The following WDR93 variants were observed in gnomAD, a reference collection of about 807,000 sequenced individuals.
WDR93 encodes the protein WD repeat-containing protein 93.
WDR93 carries 73 observed loss-of-function variants against 82.9 expected under a neutral mutation model. The observed-to-expected ratio is 0.88, with a 90% CI of 0.73 to 1.07. The LOEUF (loss-of-function observed/expected upper bound fraction) is 1.07, where lower values mean the gene tolerates loss of function less well. Among genes scored for constraint, WDR93 ranks in the 50% least tolerant of loss-of-function variants. The probability of loss-of-function intolerance (pLI) is 0.00; values close to 1 mark genes in which losing one functional copy is unlikely to be tolerated. For synonymous variants in WDR93, 283 were observed against 300.1 expected (o/e 0.94, Z 0.59); for missense variants, 738 against 826.0 (o/e 0.89, Z 1.31).
chr15:89,709,143 C>G (rs1965850518), intron 4 of WDR93, among the ~76,000 whole-genome samples: 1 of 152,170 alleles, frequency 6.6e-6, no homozygotes, highest in Non-Finnish European at 1.5e-5. Flanking sequence ...TCACCAAAGA[C>G]AGAGAGGTCA....
rs115823276 is a variant in WDR93, at chr15:89,743,196, C to G, written c.1962-96C>G. On this transcript the variant is annotated intron_variant, in intron 16 of 16. Coordinates refer to ENST00000268130, the MANE Select transcript of WDR93 (RefSeq NM_020212.2). ...ATGCAGGTGTGTCCTCTTAGAGTTT[C>G]TCATAGGAGCACAGGGTAGTCGAGG... 1.1e-3 allele frequency: 1,310 copies of G among 1,225,190 alleles called. 11 individuals are homozygous for G. The African/African-American group carries it at 0.018, about 16-fold the overall frequency. 75.9% of individuals were successfully genotyped at this position (1,225,190 alleles called of 1,614,324 possible).
intron 15 of WDR93, 85 bp downstream of exon 15, chr15:89,737,814 C>A (rs11638276): frequency 1.2e-5 from 19 of 1,560,164 alleles, no homozygotes; most frequent in Non-Finnish European, 1.6e-5. Flanking sequence ...CTCCGATCTC[C>A]TCCCCACTCT....
At chr15:89,690,551 G>A, upstream of WDR93, 1 of 1,543,480 alleles carries the variant, frequency 6.5e-7, no homozygotes, top group Non-Finnish European at 8.8e-7. Flanking sequence ...CGAGAAAGGG[G>A]CGGAGGCCGC....
At chr15:89,692,223 G>A (rs546461914) in intron 1 of WDR93, among the ~76,000 whole-genome samples, 26 of 152,202 alleles carry the variant, frequency 1.7e-4, no homozygotes, top group Non-Finnish European at 3.2e-4. Context: ...GGTGAAAGCT[G>A]AGAAGGGCTC....
At chr15:89,708,792 C>T (rs1353156975) in intron 4 of WDR93, among the ~76,000 whole-genome samples, 1 of 152,230 alleles carries the variant, frequency 6.6e-6, no homozygotes, top group Non-Finnish European at 1.5e-5. Context: ...CTGCAGCAGA[C>T]TAACCATTAT....
chr15:89,717,045 C>CTTTTTTTTTTTT (rs11457156), intron 7 of WDR93, 96 bp downstream of exon 7: 37 of 172,152 alleles, frequency 2.1e-4, no homozygotes, highest in South Asian at 3.7e-4. Flanking sequence ...CTTTTTCTTT[C>CTTTTTTTTTTTT]TTTTTTTTTT....
intron 7 of WDR93, among the ~76,000 whole-genome samples, chr15:89,718,553 T>G (rs1347105669): frequency 2.0e-5 from 3 of 151,920 alleles, no homozygotes; most frequent in Admixed American, 6.6e-5. Flanking sequence ...GCTTGAGCCC[T>G]GGAGTGGAGG....
chr15:89,721,052 G>A (rs1332006718), intron 7 of WDR93: 1 of 152,022 alleles, frequency 6.6e-6, no homozygotes. Flanking sequence ...TGATTGTTTT[G>A]TCATTATTCA....
At chr15:89,695,797 A>T (rs1596061986) in intron 1 of WDR93, among the ~76,000 whole-genome samples, 5 of 136,380 alleles carry the variant, frequency 3.7e-5, no homozygotes, top group Admixed American at 7.6e-5. Flanking sequence ...ACTCCAAAAA[A>T]CTCCCTCATG....
chr15:89,737,545 C>T, intron 14 of WDR93, 28 bp from the exon 15 acceptor site: 1 of 1,613,536 alleles, frequency 6.2e-7, no homozygotes, highest in Non-Finnish European at 8.5e-7. Context: ...CCAGTAGAAG[C>T]CCCCCTCACC....
intron 11 of WDR93, among the ~76,000 whole-genome samples, chr15:89,730,928 T>C (rs1214515804): frequency 6.6e-6 from 1 of 152,188 alleles, no homozygotes; most frequent in Non-Finnish European, 1.5e-5. Context: ...GCAAGTTTGC[T>C]TTGTGATAAT....
intron 8 of WDR93, among the ~76,000 whole-genome samples, chr15:89,725,075 C>T (rs1056244494): frequency 1.3e-5 from 2 of 151,962 alleles, no homozygotes; most frequent in Admixed American, 6.6e-5. Context: ...AGTTAGTCAC[C>T]CTACTTCTAG....
chr15:89,731,645 C>T, intron 12 of WDR93, 83 bp downstream of exon 12: 1 of 1,576,648 alleles, frequency 6.3e-7, no homozygotes, highest in African/African-American at 1.3e-5. Flanking sequence ...CCCACAGGCC[C>T]TGGGCCTTCT....
In WDR93 at chr15:89,701,873, C is replaced by A. The variant is rs1965482270; in HGVS notation, c.127C>A (p.Leu43Ile). ...TAAAGACGATGAACAGGATCATGTC[C>A]TCGTGGATCCAGATGAGGAGCTGGA... ...WPKDDEQDHV[L>I]VDPDEELDSL... is the part of the protein sequence containing the mutation. The change falls in exon 2 of 17, where the codon CTC (leucine) becomes ATC (isoleucine). Residue 43 changes from leucine to isoleucine, a missense_variant. Physicochemically the swap from Leu to Ile is conservative, Grantham distance 5. Transcript: ENST00000268130. The A allele has an allele frequency of 6.2e-7, 1 of 1,614,226 alleles. No homozygotes were observed. Among genetic ancestry groups the A allele is most frequent in the Non-Finnish European group, 8.5e-7 (1 of 1,180,042 alleles).
chr15:89,690,446 G>A, upstream of WDR93: 1 of 654,400 alleles, frequency 1.5e-6, no homozygotes, highest in Non-Finnish European at 2.6e-6. Flanking sequence ...AACTCCCTCC[G>A]TAGGAGCTGG....
At chr15:89,726,026 C>G (rs1220496916) in intron 8 of WDR93, among the ~76,000 whole-genome samples, 1 of 152,102 alleles carries the variant, frequency 6.6e-6, no homozygotes, top group Non-Finnish European at 1.5e-5. Context: ...TGAAGAGGAT[C>G]TATAGTACTA....
At chr15:89,736,768 G>T (rs919534036) in intron 14 of WDR93, among the ~76,000 whole-genome samples, 1 of 151,776 alleles carries the variant, frequency 6.6e-6, no homozygotes, top group Non-Finnish European at 1.5e-5. Context: ...GTGGCAGCTG[G>T]AGGAGGCTGT....
At chr15:89,723,281 A>G (rs948232398) in intron 8 of WDR93, among the ~76,000 whole-genome samples, 3 of 152,028 alleles carry the variant, frequency 2.0e-5, no homozygotes, top group Non-Finnish European at 4.4e-5. Context: ...CAACCATTAA[A>G]AAAACAAAAG....
chr15:89,702,031 T>G lies in WDR93; in HGVS notation c.285T>G (p.Pro95=). ...ESSQIQPTVY[P]PLGEIQLNKM... is the part of the protein sequence containing the mutation. ...GCCAGATCCAGCCCACCGTCTACCC[T>G]CCACTTGGAGAAATCCAGGTATGGA... is the stretch of plus-strand genomic sequence containing the variant. Residue 95 remains proline (P), a synonymous_variant, in exon 2 of 17, where the codon CCT becomes CCG. Transcript: ENST00000268130. The G allele has an allele frequency of 6.2e-7, 1 of 1,609,592 alleles. No homozygotes were observed. The highest frequency in any genetic ancestry group is 8.5e-7 in the Non-Finnish European group (1 of 1,177,658).
Sources: allele counts gnomAD v4.1 joint callset (sites outside exome capture counted in the v4.1 genomes callset), GRCh38; gene constraint gnomAD v4.1.1; transcripts MANE v1.5; gene names NCBI Gene and HGNC (gene_info 2026-07-23, HGNC 2026-07-21).